The following PI4KA variants were observed in gnomAD, a reference collection of about 807,000 sequenced individuals.
The protein encoded by PI4KA is PI4-kinase alpha.
In PI4KA, 122 loss-of-function variants were observed where a neutral mutation model predicts 271.4. The observed-to-expected ratio is 0.45, with a 90% confidence interval of 0.39 to 0.52. PI4KA has a LOEUF of 0.52. Among genes scored for constraint, PI4KA ranks in the 20% least tolerant of loss-of-function variants. The pLI, the probability that PI4KA is intolerant of heterozygous loss-of-function variation, is 0.00. For synonymous variants in PI4KA, 1,041 were observed against 1,078.8 expected, an observed-to-expected ratio of 0.96 and a Z score of 0.69; for missense variants, 1,969 against 2,769.1, an observed-to-expected ratio of 0.71 and a Z score of 6.48.
intron 42 of PI4KA, among the ~76,000 whole-genome samples, chr22:20,723,260 T>C (rs147542548): frequency 0.021 from 3,231 of 151,906 alleles, 126 homozygotes; most frequent in African/African-American, 0.075. Context: ...GACCTCGTGA[T>C]CCACCCGCCT....
intron 45 of PI4KA, among the ~76,000 whole-genome samples, chr22:20,716,348 G>C (rs753194192): frequency 6.6e-6 from 1 of 152,246 alleles, no homozygotes; most frequent in African/African-American, 2.4e-5. Flanking sequence ...CACCGCACCC[G>C]GCCCAGGCTC....
chr22:20,726,806 T>A (rs1444787917), intron 41 of PI4KA, among the ~76,000 whole-genome samples: 1 of 151,980 alleles, frequency 6.6e-6, no homozygotes, highest in East Asian at 1.9e-4. Flanking sequence ...CTGCTGTGGG[T>A]CAGACTCTAG....
chr22:20,805,199 C>A, intron 10 of PI4KA, 34 bp from the exon 11 acceptor site: 2 of 1,481,292 alleles, frequency 1.4e-6, no homozygotes, highest in East Asian at 2.3e-5. Flanking sequence ...CAGCTGGGAA[C>A]AAAACTACAG....
intron 1 of PI4KA, among the ~76,000 whole-genome samples, chr22:20,854,799 C>T (rs1486848486): frequency 6.6e-6 from 1 of 152,154 alleles, no homozygotes; most frequent in African/African-American, 2.4e-5. Flanking sequence ...TCATCTCCCC[C>T]TATAAGTCTC....
rs758932352 is a variant in PI4KA, at chr22:20,717,777, G to C, written c.5248C>G (p.Pro1750Ala). 6.4e-7 allele frequency: 1 copy of C among 1,562,642 alleles called. No individual in the cohort carries two copies. The highest frequency in any genetic ancestry group is 1.4e-5 in the African/African-American group (1 of 73,784). Residue 1750 changes from proline (P) to alanine (A), a missense_variant and splice_region_variant, in exon 45 of 55, where the codon CCC (proline) becomes GCC (alanine). Physicochemically the swap from Pro to Ala is conservative, Grantham distance 27 (BLOSUM62 -1). Around this residue, in one of 13 missense-constraint regions of PI4KA, gnomAD observed 388 missense variants for 521.5 expected, o/e 0.74. Transcript: ENST00000255882. ...KITNVSAIIKPYPKGDERKKA... is the reference protein window; with the variant it reads ...KITNVSAIIKAYPKGDERKKA... ...TTTCTCTCGTCGCCTTTAGGGTAGG[G>C]CCTGAGAAACAGGAAAGAAATTCTT...
chr22:20,779,108 T>G, intron 19 of PI4KA: 3 of 1,334,556 alleles, frequency 2.2e-6, no homozygotes, highest in Non-Finnish European at 3.1e-6. Flanking sequence ...GGTTTATGAG[T>G]CCCACATCAA....
In PI4KA at chr22:20,724,118, G is replaced by A. The variant is rs894732342; in HGVS notation, c.4995+2370C>T. 3.3e-5 allele frequency among the ~76,000 whole-genome samples: 5 copies of A among 149,470 alleles called. No homozygotes were observed. In the Admixed American group the frequency reaches 3.4e-4, roughly 10 times the overall value. ...CTCCCAAAGTGCTGGGATTACAGGC[G>A]TGAGCCACTGCGCCTAGCCATTAAT... is the stretch of plus-strand genomic sequence containing the variant. On this transcript the variant is annotated intron_variant, in intron 42 of 54. Transcript: ENST00000255882.
intron 45 of PI4KA, among the ~76,000 whole-genome samples, chr22:20,716,536 C>A (rs1926025072): frequency 6.6e-6 from 1 of 152,154 alleles, no homozygotes; most frequent in Non-Finnish European, 1.5e-5. Flanking sequence ...GGGGGCATGC[C>A]ATCTCCTCCT....
rs1930986495 is a variant in PI4KA at position 20,753,877 on chromosome 22, A to G, written c.2792-697T>C. On this transcript the variant is annotated intron_variant, in intron 23 of 54. Coordinates refer to ENST00000255882, the MANE Select transcript of PI4KA (RefSeq NM_058004.4). ...AATTTTTTGTATTTTTAGTAGAGAC[A>G]GGGTTTCACCACGTTGGCCAGGATG... 1.3e-5 allele frequency among the ~76,000 whole-genome samples: 2 copies of G among 152,054 alleles called. 1 individual carries two copies. Among genetic ancestry groups the G allele is most frequent in the South Asian group, 4.1e-4 (2 of 4,826 alleles).
At chr22:20,762,540 C>G (rs532471214) in intron 22 of PI4KA, among the ~76,000 whole-genome samples, 1 of 152,096 alleles carries the variant, frequency 6.6e-6, no homozygotes, top group Non-Finnish European at 1.5e-5. Context: ...GTTAAGAGCC[C>G]GTCCTGAGAA....
chr22:20,821,541 AT>A (rs1372358886), intron 4 of PI4KA, among the ~76,000 whole-genome samples: 2 of 150,268 alleles, frequency 1.3e-5, no homozygotes, highest in African/African-American at 2.5e-5. Context: ...AAGTTAAGAA[AT>A]TTTTTTTTGT....
rs1460812583 is a variant in PI4KA, at chr22:20,713,401, G to A, written c.5462-11C>T. ...AGCGGCACCGCAGACCTGCCCGCAG[G>A]GAGAGAGGCCGCTGTTAGCCTGTAG... On this transcript the variant is annotated splice_polypyrimidine_tract_variant and intron_variant, in intron 47 of 54. Transcript: ENST00000255882. 4 of 1,560,152 alleles carry A rather than the reference G, an allele frequency of 2.6e-6. No individual in the cohort carries two copies. Among genetic ancestry groups the A allele is most frequent in the Non-Finnish European group, 3.5e-6 (4 of 1,149,784 alleles).
chr22:20,824,075 T>C (rs747759055), intron 4 of PI4KA, among the ~76,000 whole-genome samples: 4 of 151,378 alleles, frequency 2.6e-5, no homozygotes, highest in African/African-American at 4.9e-5. Flanking sequence ...GTGCTGCTCA[T>C]GTCTCTGCAG....
chr22:20,736,605 A>G (rs1928747189), intron 32 of PI4KA: 2 of 154,152 alleles, frequency 1.3e-5, no homozygotes, highest in Admixed American at 6.5e-5. Flanking sequence ...TGGGATGTGC[A>G]TAAGAGGGAG....
At chr22:20,797,942 T>C (rs1302845084) in intron 17 of PI4KA, among the ~76,000 whole-genome samples, 1 of 152,120 alleles carries the variant, frequency 6.6e-6, no homozygotes, top group African/African-American at 2.4e-5. Flanking sequence ...CAAACACGGA[T>C]GAACATGTCC....
At chr22:20,811,110 A>T in intron 8 of PI4KA, 78 bp from the exon 9 acceptor site, 1 of 1,043,812 alleles carries the variant, frequency 9.6e-7, no homozygotes, top group Non-Finnish European at 1.5e-6. Context: ...CCGAAAACCC[A>T]TGACAAACTC....
intron 22 of PI4KA, 137 bp from the exon 23 acceptor site, chr22:20,761,523 C>T: frequency 1.5e-6 from 1 of 658,790 alleles, no homozygotes. Flanking sequence ...CTGAGGTGGA[C>T]TTTTTGGAGG....
intron 3 of PI4KA, among the ~76,000 whole-genome samples, chr22:20,827,591 T>A (rs1438100589): frequency 6.6e-6 from 1 of 152,170 alleles, no homozygotes. Flanking sequence ...GTGAAGAATG[T>A]CATTGGTAGT....
In PI4KA at chr22:20,742,577, C is replaced by T. The variant is rs200828814; in HGVS notation, c.3613+31G>A. The T allele has an allele frequency of 1.3e-3, 2,158 of 1,612,146 alleles. 9 individuals are homozygous for T. The highest frequency in any genetic ancestry group is 1.7e-3 in the Middle Eastern group (10 of 6,024). On this transcript the variant is annotated intron_variant, in intron 31 of 54. Transcript: ENST00000255882. ...AGGCCAGCATTCATTTAGAAACGAG[C>T]CCAGAATTCCACAGTGCTTCAGTGA...
Sources: allele counts gnomAD v4.1 joint callset (sites outside exome capture counted in the v4.1 genomes callset), GRCh38; gene constraint gnomAD v4.1.1; regional missense constraint gnomAD v4.1.1; transcripts MANE v1.5; gene names NCBI Gene and HGNC (gene_info 2026-07-23, HGNC 2026-07-21).